The following EYS variants were observed in gnomAD, a reference collection of about 807,000 sequenced individuals.
EYS encodes protein eyes shut homolog.
In EYS, 250 loss-of-function variants were observed where a neutral mutation model predicts 282.1. That is an observed-to-expected ratio of 0.89 (90% CI 0.80 to 0.98). The LOEUF (loss-of-function observed/expected upper bound fraction) is 0.98, where lower values mean the gene tolerates loss of function less well. Among genes scored for constraint, EYS ranks in the 50% least tolerant of loss-of-function variants. The pLI is 0.00. For synonymous variants in EYS, 1,355 were observed against 1,282.9 expected, an observed-to-expected ratio of 1.06 and a Z score of -1.20; for missense variants, 4,016 against 3,709.0, an observed-to-expected ratio of 1.08 and a Z score of -2.15.
chr6:65,388,925 C>G (rs138739380), intron 7 of EYS, among the ~76,000 whole-genome samples: 290 of 152,058 alleles, frequency 1.9e-3, no homozygotes, highest in African/African-American at 6.8e-3. Context: ...CTTTTTCTTT[C>G]TCATTCAATC....
chr6:64,513,916 G>A (rs1777483364), intron 26 of EYS, among the ~76,000 whole-genome samples: 1 of 151,860 alleles, frequency 6.6e-6, no homozygotes, highest in Non-Finnish European at 1.5e-5. Flanking sequence ...TCTTAGAACA[G>A]AAAGCAGTAT....
At chr6:65,001,013 G>A (rs562919304) in intron 13 of EYS, among the ~76,000 whole-genome samples, 10 of 152,194 alleles carry the variant, frequency 6.6e-5, no homozygotes, top group African/African-American at 9.6e-5. Flanking sequence ...GGGGGACCAC[G>A]CAGATAGGCA....
At chr6:65,035,806 C>T (rs984379892) in intron 13 of EYS, among the ~76,000 whole-genome samples, 1 of 151,242 alleles carries the variant, frequency 6.6e-6, no homozygotes, top group African/African-American at 2.4e-5. Context: ...ACATTTTTCA[C>T]AGAATTGCTT....
intron 13 of EYS, among the ~76,000 whole-genome samples, chr6:65,029,093 TG>T (rs1772518584): frequency 6.6e-6 from 1 of 152,160 alleles, no homozygotes; most frequent in African/African-American, 2.4e-5. Context: ...TGTGTCCTTT[TG>T]ATTTATTCTC....
chr6:65,421,781 G>A (rs188376103), intron 5 of EYS, among the ~76,000 whole-genome samples: 29 of 151,926 alleles, frequency 1.9e-4, no homozygotes, highest in Admixed American at 1.8e-3. Context: ...CAGGGACTGT[G>A]GAGACATGAG....
At chr6:64,108,261 T>G (rs2150264346) in intron 31 of EYS, among the ~76,000 whole-genome samples, 1 of 152,216 alleles carries the variant, frequency 6.6e-6, no homozygotes, top group East Asian at 1.9e-4. Flanking sequence ...TCAATTACAG[T>G]TCACATTTTT....
intron 33 of EYS, among the ~76,000 whole-genome samples, chr6:64,001,737 G>A (rs1203175624): frequency 2.0e-5 from 3 of 152,092 alleles, no homozygotes; most frequent in African/African-American, 4.8e-5. Context: ...AGATATTTGC[G>A]TGAAATAGAA....
intron 22 of EYS, among the ~76,000 whole-genome samples, chr6:64,782,449 T>C (rs1212836397): frequency 1.3e-5 from 2 of 152,202 alleles, no homozygotes; most frequent in African/African-American, 2.4e-5. Flanking sequence ...AACATGGAAA[T>C]ATCTCTCAGA....
At chr6:65,691,537 G>C (rs1055602742) in intron 1 of EYS, among the ~76,000 whole-genome samples, 7 of 149,796 alleles carry the variant, frequency 4.7e-5, no homozygotes, top group African/African-American at 1.7e-4. Context: ...TAGGCTGCCT[G>C]TTCACTCTGA....
At chr6:64,285,009 G>A (rs1405951151) in intron 30 of EYS, among the ~76,000 whole-genome samples, 3 of 152,116 alleles carry the variant, frequency 2.0e-5, no homozygotes, top group Non-Finnish European at 4.4e-5. Flanking sequence ...CCATTGTCTT[G>A]GAGATTAACA....
chr6:65,071,800 T>C (rs1773910211), intron 12 of EYS, among the ~76,000 whole-genome samples: 1 of 151,866 alleles, frequency 6.6e-6, no homozygotes, highest in East Asian at 1.9e-4. Flanking sequence ...AATTCATGTA[T>C]TGTAAACTTA....
At chr6:65,319,204 CAAAAA>C (rs55687610) in intron 11 of EYS, among the ~76,000 whole-genome samples, 3 of 44,396 alleles carry the variant, frequency 6.8e-5, no homozygotes, top group African/African-American at 8.8e-5. Flanking sequence ...ACTAAAAATG[CAAAAA>C]AAAAAAAAAA....
intron 22 of EYS, among the ~76,000 whole-genome samples, chr6:64,721,393 G>C (rs1771574093): frequency 6.6e-6 from 1 of 152,068 alleles, no homozygotes; most frequent in Admixed American, 6.6e-5. Context: ...AAGGAGGTGA[G>C]AGATAAAGAC....
At chr6:63,981,527 G>A (rs1315172095) in intron 35 of EYS, among the ~76,000 whole-genome samples, 2 of 151,764 alleles carry the variant, frequency 1.3e-5, no homozygotes, top group Admixed American at 6.6e-5. Flanking sequence ...GCTGAGCACC[G>A]GCAATCAAAA....
intron 9 of EYS, among the ~76,000 whole-genome samples, chr6:65,349,814 C>T (rs1169952972): frequency 6.6e-6 from 1 of 151,376 alleles, no homozygotes; most frequent in African/African-American, 2.4e-5. Context: ...ATAATAGTAG[C>T]TACAGTGTAA....
At chr6:64,962,505 A>C (rs1273064422) in intron 14 of EYS, among the ~76,000 whole-genome samples, 1 of 151,796 alleles carries the variant, frequency 6.6e-6, no homozygotes, top group Non-Finnish European at 1.5e-5. Context: ...CCAAGGCGGG[A>C]GGATCACTTG....
intron 14 of EYS, among the ~76,000 whole-genome samples, chr6:64,946,669 C>T (rs1583319603): frequency 6.6e-6 from 1 of 151,886 alleles, no homozygotes; most frequent in Non-Finnish European, 1.5e-5. Context: ...TAAATCTGCA[C>T]TTTTCAATAC....
chr6:63,724,302 A>T (rs1484139794), intron 42 of EYS, among the ~76,000 whole-genome samples: 2 of 152,218 alleles, frequency 1.3e-5, no homozygotes, highest in Admixed American at 1.3e-4. Flanking sequence ...ATTATAGATA[A>T]GAGAAACCTT....
chr6:64,789,234 T>C (rs1774109263), intron 22 of EYS, among the ~76,000 whole-genome samples: 1 of 152,240 alleles, frequency 6.6e-6, no homozygotes, highest in Non-Finnish European at 1.5e-5. Flanking sequence ...ACAATTTTTC[T>C]AATTCCTAGA....
Sources: allele counts gnomAD v4.1 joint callset (sites outside exome capture counted in the v4.1 genomes callset), GRCh38; gene constraint gnomAD v4.1.1; transcripts MANE v1.5; gene names NCBI Gene and HGNC (gene_info 2026-07-23, HGNC 2026-07-21).